The following RANBP9 variants were observed in gnomAD, a reference collection of about 807,000 sequenced individuals.
The protein encoded by RANBP9 is ran-binding protein 9.
A neutral mutation model predicts 84.3 loss-of-function variants in RANBP9; 15 were observed. The observed-to-expected ratio is 0.18, with a 90% CI of 0.12 to 0.27. RANBP9 has a LOEUF of 0.27. Ranked by LOEUF, RANBP9 falls within the 10% of genes least tolerant of loss-of-function variation. RANBP9 has a pLI of 1.00. For missense variants in RANBP9, 809 were observed against 912.8 expected, an observed-to-expected ratio of 0.89 and a Z score of 1.46; for synonymous variants, 392 against 349.6, an observed-to-expected ratio of 1.12 and a Z score of -1.35.
Position 13,622,426 on chromosome 6 carries a change from C to T in RANBP9, c.2126G>A (p.Gly709Glu). Residue 709 changes from glycine to glutamate, a missense_variant, in exon 14 of 14, where the codon GGA becomes GAA. Around this residue, in one of 5 missense-constraint regions of RANBP9, gnomAD observed 233 missense variants for 234.4 expected, o/e 0.99. Coordinates refer to ENST00000011619, the MANE Select transcript of RANBP9 (RefSeq NM_005493.3). The stretch of plus-strand genomic sequence containing the variant: ...TCCAATTCCTGATCGAGCCATCAGT[C>T]CTAGACATTGTGTGGCCTGTCCCAT... ...LAMGQATQCLGLMARSGIGSC... is the reference protein window; with the variant it reads ...LAMGQATQCLELMARSGIGSC... 6.2e-7 allele frequency: 1 copy of T among 1,607,982 alleles called. No homozygotes were observed. Among genetic ancestry groups the T allele is most frequent in the South Asian group, 1.1e-5 (1 of 90,178 alleles).
intron 2 of RANBP9, among the ~76,000 whole-genome samples, chr6:13,662,119 A>G (rs955729927): frequency 6.6e-6 from 1 of 152,216 alleles, no homozygotes; most frequent in African/African-American, 2.4e-5. Context: ...AAAAGCATGG[A>G]CAAGGAAACA....
chr6:13,649,319 G>T (rs1265947057), intron 5 of RANBP9, among the ~76,000 whole-genome samples: 1 of 152,142 alleles, frequency 6.6e-6, no homozygotes, highest in East Asian at 1.9e-4. Context: ...CATAACTGGT[G>T]ATTCAAAAGT....
At chr6:13,700,090 G>C (rs1757927759) in intron 1 of RANBP9, among the ~76,000 whole-genome samples, 1 of 152,048 alleles carries the variant, frequency 6.6e-6, no homozygotes, top group Admixed American at 6.6e-5. Context: ...TTTTCTATGT[G>C]GCTTTAGAAG....
intron 8 of RANBP9, among the ~76,000 whole-genome samples, chr6:13,640,911 C>T (rs894287122): frequency 5.9e-5 from 9 of 152,062 alleles, no homozygotes; most frequent in South Asian, 2.1e-4. Flanking sequence ...ATGTAAGGTA[C>T]TTCTGAGAAG....
At chr6:13,697,485 C>T (rs533256684) in intron 1 of RANBP9, among the ~76,000 whole-genome samples, 4 of 152,296 alleles carry the variant, frequency 2.6e-5, no homozygotes, top group South Asian at 2.1e-4. Flanking sequence ...TTGAGAAATA[C>T]ATCTAATTTC....
intron 1 of RANBP9, among the ~76,000 whole-genome samples, chr6:13,707,663 C>G (rs745484828): frequency 2.6e-5 from 4 of 152,180 alleles, no homozygotes; most frequent in Non-Finnish European, 5.9e-5. Flanking sequence ...CTACCACTCT[C>G]TAAAATTTAA....
intron 2 of RANBP9, among the ~76,000 whole-genome samples, chr6:13,677,671 T>C (rs1436284155): frequency 6.6e-6 from 1 of 152,202 alleles, no homozygotes; most frequent in African/African-American, 2.4e-5. Context: ...ATCTTAAACA[T>C]TTAAGCTTAT....
intron 2 of RANBP9, among the ~76,000 whole-genome samples, chr6:13,680,031 G>A (rs1486984597): frequency 1.3e-5 from 2 of 152,038 alleles, no homozygotes; most frequent in Non-Finnish European, 2.9e-5. Flanking sequence ...GACCCCACAA[G>A]AAAAGAGGAA....
chr6:13,646,818 A>G (rs1396967190), intron 5 of RANBP9, among the ~76,000 whole-genome samples: 1 of 152,234 alleles, frequency 6.6e-6, no homozygotes, highest in Non-Finnish European at 1.5e-5. Flanking sequence ...TCAGGAGGAC[A>G]AAGACTACCA....
chr6:13,658,636 C>T, intron 3 of RANBP9, 144 bp downstream of exon 3: 1 of 738,102 alleles, frequency 1.4e-6, no homozygotes, highest in East Asian at 2.6e-5. Flanking sequence ...AAAAAAACCC[C>T]ACTCAGCTTT....
At chr6:13,637,787 A>G (rs1764976240) in intron 10 of RANBP9, 21 bp downstream of exon 10, 3 of 1,560,178 alleles carry the variant, frequency 1.9e-6, no homozygotes, top group African/African-American at 2.7e-5. Flanking sequence ...TATTAGTGCA[A>G]AAGTCAGTGA....
Position 13,686,098 on chromosome 6 carries a change from C to CT in RANBP9, c.683+10686dup, listed in dbSNP as rs796756773. Reference sequence around the variant, plus strand: ...TTTCTTTCCTGAATTTCCAAAATTTCTTCCCCCCCCCCCCCCCGCCCCCCG... The same window carrying CT: ...TTTCTTTCCTGAATTTCCAAAATTTCTTTCCCCCCCCCCCCCCCGCCCCCCG... On this transcript the variant is annotated intron_variant, in intron 2 of 13. Transcript: ENST00000011619. Among the ~76,000 whole-genome samples the CT allele has an allele frequency of 3.4e-3, 36 of 10,612 alleles. 4 individuals are homozygous for CT. The highest frequency in any genetic ancestry group is 5.1e-3 in the Non-Finnish European group (29 of 5,706). The allele number at this position is 10,612 out of a possible 152,430, so 7.0% of individuals were successfully genotyped here.
chr6:13,680,579 A>G (rs1766011213), intron 2 of RANBP9, among the ~76,000 whole-genome samples: 1 of 151,826 alleles, frequency 6.6e-6, no homozygotes, highest in Admixed American at 6.6e-5. Context: ...TGTCCCAACA[A>G]AAATAAAAAT....
At chr6:13,710,222 T>C (rs924571010) in intron 1 of RANBP9, among the ~76,000 whole-genome samples, 1 of 152,124 alleles carries the variant, frequency 6.6e-6, no homozygotes. Context: ...CTAAGCTGCA[T>C]TTTGTTCCAT....
chr6:13,655,250 T>C (rs920488098), intron 4 of RANBP9, among the ~76,000 whole-genome samples: 2 of 152,184 alleles, frequency 1.3e-5, no homozygotes, highest in Admixed American at 6.5e-5. Flanking sequence ...GGCGGGTGTA[T>C]CACTTGAGGT....
chr6:13,634,589 C>G (rs770147356), intron 10 of RANBP9, 37 bp from the exon 11 acceptor site: 40 of 1,565,146 alleles, frequency 2.6e-5, no homozygotes, highest in Non-Finnish European at 3.4e-5. Context: ...TTAGAAATAT[C>G]ATACTTGCAG....
intron 12 of RANBP9, among the ~76,000 whole-genome samples, chr6:13,630,800 C>T (rs189155797): frequency 2.6e-3 from 388 of 151,842 alleles, no homozygotes; most frequent in Non-Finnish European, 4.7e-3. Context: ...ATTAAAGAGA[C>T]TTACAAAAAA....
chr6:13,705,875 A>AAAAAAAAAAAG (rs1561698403), intron 1 of RANBP9, among the ~76,000 whole-genome samples: 1 of 150,074 alleles, frequency 6.7e-6, no homozygotes, highest in African/African-American at 2.5e-5. Flanking sequence ...TCTCAAAAAA[A>AAAAAAAAAAAG]AAAAAAAAAA....
chr6:13,638,606 GC>G (rs1429498494), intron 9 of RANBP9, among the ~76,000 whole-genome samples: 1 of 152,074 alleles, frequency 6.6e-6, no homozygotes, highest in Non-Finnish European at 1.5e-5. Context: ...TGAGGCAGGA[GC>G]AGTGCTTGAG....
Sources: gnomAD v4.1 joint callset for allele counts (sites outside exome capture counted in the v4.1 genomes callset) on GRCh38, gnomAD v4.1.1 for gene constraint, gnomAD v4.1.1 regional missense constraint, MANE v1.5 for transcripts, NCBI Gene and HGNC (gene_info 2026-07-23, HGNC 2026-07-21) for gene names.